OR2I1: variants seen among roughly 807,000 people sequenced by gnomAD.
OR2I1 encodes the protein putative olfactory receptor 2I1.
the OR2I1 span, chr6:29,556,316 G>A: frequency 1.2e-5 from 19 of 1,612,540 alleles, no homozygotes; most frequent in African/African-American, 2.1e-4. Flanking sequence ...GGCATCAAAG[G>A]TCATTAAATC....
chr6:29,554,160 G>A, the OR2I1 span: 2 of 399,058 alleles, frequency 5.0e-6, no homozygotes, highest in South Asian at 1.3e-4. Context: ...GCCAGGCTGG[G>A]CAGTGAGTAG....
the OR2I1 span, among the ~76,000 whole-genome samples, chr6:29,551,631 T>C: frequency 1.6e-3 from 248 of 152,238 alleles, 10 homozygotes; most frequent in East Asian, 0.045. Flanking sequence ...GATATGACGA[T>C]AGTTAGCATT....
the OR2I1 span, chr6:29,552,933 A>C: frequency 1.1e-5 from 3 of 267,078 alleles, no homozygotes; most frequent in Non-Finnish European, 2.1e-5. Context: ...TCTCCATTTT[A>C]CATGAACTGT....
At chr6:29,553,147 T>A in the OR2I1 span, 1 of 398,080 alleles carries the variant, frequency 2.5e-6, no homozygotes, top group African/African-American at 2.1e-5. Flanking sequence ...CACTCCAAGG[T>A]TTTCCCTTTG....
chr6:29,555,603 AT>A, the OR2I1 span: 39 of 447,324 alleles, frequency 8.7e-5, no homozygotes, highest in Middle Eastern at 5.8e-4. Context: ...ACAGAATTAA[AT>A]TCCAAGCTGG....
chr6:29,556,010 G>T, the OR2I1 span: 1 of 1,613,046 alleles, frequency 6.2e-7, no homozygotes, highest in South Asian at 1.1e-5. Context: ...GATTATACCC[G>T]TCTTAGTCTC....
At chr6:29,556,625 G>A in the OR2I1 span, 7 of 450,766 alleles carry the variant, frequency 1.6e-5, no homozygotes, top group East Asian at 7.0e-5. Context: ...CTGAACGGAC[G>A]CTCTTTTGCT....
chr6:29,551,022 C>T, the OR2I1 span, among the ~76,000 whole-genome samples: 2 of 152,198 alleles, frequency 1.3e-5, no homozygotes, highest in East Asian at 1.9e-4. Flanking sequence ...CAGGTGCACA[C>T]ATGCCTATGT....
chr6:29,551,371 A>C, the OR2I1 span, among the ~76,000 whole-genome samples: 1 of 152,236 alleles, frequency 6.6e-6, no homozygotes, highest in African/African-American at 2.4e-5. Flanking sequence ...TTGATCAAAC[A>C]GGAAGGACCT....
the OR2I1 span, chr6:29,557,595 A>G: frequency 1.3e-5 from 2 of 152,222 alleles, no homozygotes; most frequent in East Asian, 1.9e-4. Flanking sequence ...TGCCTCTGCT[A>G]TAACCTATTG....
At chr6:29,554,450 C>T in the OR2I1 span, 3 of 282,960 alleles carry the variant, frequency 1.1e-5, no homozygotes, top group East Asian at 5.9e-5. Flanking sequence ...TAGCTTCCTC[C>T]CTATCTGATG....
the OR2I1 span, chr6:29,554,457 G>A: frequency 7.6e-6 from 2 of 262,446 alleles, no homozygotes; most frequent in Non-Finnish European, 1.4e-5. Flanking sequence ...CTCCCTATCT[G>A]ATGGAAGACC....
chr6:29,556,210 G>A, the OR2I1 span: 1 of 1,612,954 alleles, frequency 6.2e-7, no homozygotes, highest in Non-Finnish European at 8.5e-7. Context: ...GTGGCTTTAA[G>A]ATCTTGGAGC....
At chr6:29,554,123 G>A in the OR2I1 span, 3 of 399,230 alleles carry the variant, frequency 7.5e-6, no homozygotes, top group Non-Finnish European at 1.3e-5. Context: ...GGGGCAGCGA[G>A]GAGGCTGCTG....
At chr6:29,555,851 C>T in the OR2I1 span, 2 of 1,569,464 alleles carry the variant, frequency 1.3e-6, no homozygotes, top group Non-Finnish European at 1.7e-6. Context: ...AGCTTTTTGA[C>T]CCCTGCCAAC....
chr6:29,554,514 G>A, the OR2I1 span: 1 of 173,626 alleles, frequency 5.8e-6, no homozygotes, highest in African/African-American at 2.4e-5. Flanking sequence ...AAGTTGACAA[G>A]AAAATCATAG....
chr6:29,551,629 G>A, the OR2I1 span, among the ~76,000 whole-genome samples: 142 of 152,236 alleles, frequency 9.3e-4, 2 homozygotes, highest in South Asian at 0.014. Flanking sequence ...CAGATATGAC[G>A]ATAGTTAGCA....
chr6:29,553,478 C>A, the OR2I1 span: 15 of 398,740 alleles, frequency 3.8e-5, no homozygotes, highest in Middle Eastern at 1.3e-3. Flanking sequence ...CTGCGCGGAC[C>A]AGCGCTCTGG....
At chr6:29,554,708 G>T in the OR2I1 span, 1 of 152,196 alleles carries the variant, frequency 6.6e-6, no homozygotes, top group South Asian at 2.1e-4. Flanking sequence ...GTTAAGACTG[G>T]AAACCCCCCT....
Sources: allele counts gnomAD v4.1 joint callset (sites outside exome capture counted in the v4.1 genomes callset), GRCh38; gene constraint gnomAD v4.1.1; transcripts MANE v1.5; gene names NCBI Gene and HGNC (gene_info 2026-07-23, HGNC 2026-07-21).